The following PRKAR1B variants were observed in gnomAD, a reference collection of about 807,000 sequenced individuals.
PRKAR1B encodes cAMP-dependent protein kinase type I-beta regulatory subunit.
PRKAR1B carries 22 observed loss-of-function variants against 46.5 expected under a neutral mutation model. The ratio of observed to expected loss-of-function variants is 0.47; its 90% CI spans 0.34 to 0.68. The LOEUF is 0.68. Ranked by LOEUF, PRKAR1B falls within the 30% of genes least tolerant of loss-of-function variation. The pLI is 0.01. For missense variants in PRKAR1B, 445 were observed against 535.6 expected (o/e 0.83, Z 1.67); for synonymous variants, 259 against 217.7 (o/e 1.19, Z -1.67).
At chr7:715,495 T>G (rs1441092158) in intron 1 of PRKAR1B, among the ~76,000 whole-genome samples, 1 of 152,118 alleles carries the variant, frequency 6.6e-6, no homozygotes, top group Non-Finnish European at 1.5e-5. Flanking sequence ...GAAAATGTGC[T>G]GCTGGTGACT....
chr7:684,295 G>A (rs1778879929), intron 2 of PRKAR1B, among the ~76,000 whole-genome samples: 1 of 152,234 alleles, frequency 6.6e-6, no homozygotes, highest in Non-Finnish European at 1.5e-5. Context: ...CACGGGGATT[G>A]CCGGGTGAAG....
intron 6 of PRKAR1B, among the ~76,000 whole-genome samples, chr7:599,243 AC>A (rs1165212226): frequency 6.6e-6 from 1 of 150,772 alleles, no homozygotes; most frequent in Non-Finnish European, 1.5e-5. Flanking sequence ...TGCGGGCCCC[AC>A]CCCAGCTGGT....
At chr7:562,732 A>C (rs1778879870) in intron 9 of PRKAR1B, among the ~76,000 whole-genome samples, 1 of 152,176 alleles carries the variant, frequency 6.6e-6, no homozygotes, top group South Asian at 2.1e-4. Flanking sequence ...CTTTGCGGCC[A>C]GCAGCATTTC....
intron 4 of PRKAR1B, among the ~76,000 whole-genome samples, chr7:615,213 C>T (rs1028174545): frequency 2.2e-4 from 34 of 151,942 alleles, no homozygotes; most frequent in Admixed American, 1.8e-3. Context: ...ATCACAAGGT[C>T]GGAAGATCGA....
intron 4 of PRKAR1B, among the ~76,000 whole-genome samples, chr7:652,705 C>G (rs1461013874): frequency 6.6e-6 from 1 of 152,256 alleles, no homozygotes; most frequent in Non-Finnish European, 1.5e-5. Flanking sequence ...AGCTTGCTGT[C>G]CAGGGTCGCT....
At position 677,029 on chromosome 7, in the gene PRKAR1B, C is replaced by A. The variant is rs138010227; in HGVS notation, c.440+200G>T. Among the ~76,000 whole-genome samples the A allele has an allele frequency of 4.4e-3, 664 of 151,860 alleles. 8 individuals are homozygous for A. The highest frequency in any genetic ancestry group is 0.015 in the African/African-American group (625 of 41,412). On this transcript the variant is annotated intron_variant, in intron 4 of 10. Transcript: ENST00000537384. ...GAGGGCAAGGAGGGCGGTGGTGATT[C>A]CTGGGCAAGCAACGGGGCCTGCCCA...
At chr7:694,543 A>G (rs1779618580) in intron 2 of PRKAR1B, among the ~76,000 whole-genome samples, 1 of 152,076 alleles carries the variant, frequency 6.6e-6, no homozygotes, top group African/African-American at 2.4e-5. Context: ...GTGCCTGGCG[A>G]ACTCCTACAT....
chr7:572,753 G>T (rs1231455180), intron 9 of PRKAR1B, among the ~76,000 whole-genome samples: 2 of 152,228 alleles, frequency 1.3e-5, no homozygotes, highest in African/African-American at 2.4e-5. Flanking sequence ...GGGTAGGCGG[G>T]AGGAGAGAAA....
intron 9 of PRKAR1B, among the ~76,000 whole-genome samples, chr7:577,180 G>A (rs1286579234): frequency 6.6e-6 from 1 of 151,874 alleles, no homozygotes; most frequent in Non-Finnish European, 1.5e-5. Flanking sequence ...CTGTTGTTTC[G>A]AACCAAGACA....
chr7:667,799 G>A lies in PRKAR1B; in HGVS notation c.440+9430C>T, dbSNP rs575370329. ...ACTGAGGCTGTGAGGTTGACACTAT[G>A]CCTCTCACAGATCCTGTGCAAAGGC... On this transcript the variant is annotated intron_variant, in intron 4 of 10. Transcript: ENST00000537384. This position sits in a 1 kb window ranked among gnomAD's most constrained non-coding sequence, Gnocchi z 4.3. Among the ~76,000 whole-genome samples, 3 of 152,172 alleles carry A rather than the reference G, an allele frequency of 2.0e-5. No homozygotes were observed. Among genetic ancestry groups the A allele is most frequent in the Non-Finnish European group, 4.4e-5 (3 of 68,044 alleles).
At chr7:630,757 G>A (rs1783688392) in intron 4 of PRKAR1B, among the ~76,000 whole-genome samples, 1 of 151,998 alleles carries the variant, frequency 6.6e-6, no homozygotes. Context: ...GACAGGGATT[G>A]CAAACTCAGC....
chr7:685,295 CAT>C (rs67804061), intron 2 of PRKAR1B, among the ~76,000 whole-genome samples: 303 of 12,190 alleles, frequency 0.025, 35 homozygotes, highest in African/African-American at 0.053. Context: ...TATATGTATA[CAT>C]ATATATATAC....
chr7:613,798 C>G (rs1338777028), intron 4 of PRKAR1B, among the ~76,000 whole-genome samples: 1 of 152,234 alleles, frequency 6.6e-6, no homozygotes, highest in African/African-American at 2.4e-5. Flanking sequence ...GCCTCCCGAG[C>G]CAAGACAAGC....
chr7:571,720 C>A (rs1236931244), intron 9 of PRKAR1B, among the ~76,000 whole-genome samples: 3 of 152,114 alleles, frequency 2.0e-5, no homozygotes, highest in Admixed American at 6.5e-5. Flanking sequence ...ACTCCAGGGG[C>A]CTGGAAAAGC....
chr7:689,400 C>T (rs530501533), intron 2 of PRKAR1B, among the ~76,000 whole-genome samples: 55 of 152,168 alleles, frequency 3.6e-4, no homozygotes, highest in Non-Finnish European at 7.4e-4. Context: ...GGATTACAGG[C>T]GTGAGCCACT....
chr7:595,227 C>T (rs781007227), intron 7 of PRKAR1B, among the ~76,000 whole-genome samples: 7 of 152,318 alleles, frequency 4.6e-5, no homozygotes, highest in East Asian at 3.9e-4. Flanking sequence ...TCGGCCCTCA[C>T]GCTCCTGGGC....
chr7:701,831 G>A (rs1271140152), intron 2 of PRKAR1B, among the ~76,000 whole-genome samples: 1 of 152,210 alleles, frequency 6.6e-6, no homozygotes, highest in Non-Finnish European at 1.5e-5. Flanking sequence ...CTGAGAATCT[G>A]TCACCAGCAA....
At chr7:562,727 C>T (rs1364558173) in intron 9 of PRKAR1B, among the ~76,000 whole-genome samples, 1 of 152,204 alleles carries the variant, frequency 6.6e-6, no homozygotes, top group Admixed American at 6.5e-5. Context: ...CATAGCTTTG[C>T]GGCCAGCAGC....
intron 4 of PRKAR1B, among the ~76,000 whole-genome samples, chr7:651,657 A>AC: frequency 7.8e-6 from 1 of 128,810 alleles, no homozygotes; most frequent in Admixed American, 7.6e-5. Context: ...ACCTGGGGAA[A>AC]CCCCTCTCGG....
Sources: gnomAD v4.1 joint callset for allele counts (sites outside exome capture counted in the v4.1 genomes callset) on GRCh38, gnomAD v4.1.1 for gene constraint, Gnocchi (gnomAD v3.1) non-coding constraint, MANE v1.5 for transcripts, NCBI Gene and HGNC (gene_info 2026-07-23, HGNC 2026-07-21) for gene names.